EXOSC10: variants seen among roughly 807,000 people sequenced by gnomAD.
EXOSC10 encodes exosome complex component 10.
EXOSC10 carries 94 observed loss-of-function variants against 126.6 expected under a neutral mutation model. The ratio of observed to expected loss-of-function variants is 0.74; its 90% CI spans 0.63 to 0.88. The LOEUF is 0.88. Ranked by LOEUF, EXOSC10 falls within the 40% of genes least tolerant of loss-of-function variation. The pLI, the probability that EXOSC10 is intolerant of heterozygous loss-of-function variation, is 0.00. For synonymous variants in EXOSC10, 395 were observed against 400.8 expected (o/e 0.99, Z 0.17); for missense variants, 1,041 against 1,100.5 (o/e 0.95, Z 0.77).
In EXOSC10 at chr1:11,084,076, C is replaced by T. The variant is rs565182347; in HGVS notation, c.1090-1198G>A. 1.1e-4 allele frequency among the ~76,000 whole-genome samples: 17 copies of T among 152,164 alleles called. 1 individual carries two copies. The South Asian group carries it at 3.3e-3, about 30-fold the overall frequency. ...AAGTCTTTACTATTGTGAATAGTGC[C>T]GCAATAAACATATGTGTGCATGTGT... is the stretch of plus-strand genomic sequence containing the variant. On this transcript the variant is annotated intron_variant, in intron 9 of 24. Coordinates refer to ENST00000376936, the MANE Select transcript of EXOSC10 (RefSeq NM_001001998.3).
intron 9 of EXOSC10, among the ~76,000 whole-genome samples, chr1:11,085,660 G>C (rs1488317355): frequency 6.6e-6 from 1 of 152,076 alleles, no homozygotes; most frequent in Non-Finnish European, 1.5e-5. Flanking sequence ...ACACTATGTT[G>C]AATAGGAGTG....
At chr1:11,085,435 G>A (rs1166406228) in intron 9 of EXOSC10, among the ~76,000 whole-genome samples, 1 of 152,042 alleles carries the variant, frequency 6.6e-6, no homozygotes, top group Non-Finnish European at 1.5e-5. Context: ...TGTTATTGGT[G>A]TATAAGAATG....
At chr1:11,094,497 T>C (rs1056270797) in intron 3 of EXOSC10, among the ~76,000 whole-genome samples, 3 of 151,556 alleles carry the variant, frequency 2.0e-5, no homozygotes, top group African/African-American at 7.3e-5. Context: ...TGTTTTACCA[T>C]GTCCGCCAGG....
At chr1:11,088,725 G>T (rs1398670822) in intron 6 of EXOSC10, among the ~76,000 whole-genome samples, 1 of 152,224 alleles carries the variant, frequency 6.6e-6, no homozygotes, top group Non-Finnish European at 1.5e-5. Flanking sequence ...TTAGCTTGTG[G>T]CCTCACATTG....
intron 14 of EXOSC10, among the ~76,000 whole-genome samples, chr1:11,079,417 G>A (rs1186181644): frequency 3.6e-5 from 5 of 140,374 alleles, no homozygotes; most frequent in African/African-American, 8.0e-5. Flanking sequence ...TTTTTGAGAC[G>A]GAGTCTCGCT....
Position 11,088,158 on chromosome 1 carries a change from G to C in EXOSC10, c.799C>G (p.Pro267Ala). The C allele has an allele frequency of 1.2e-6, 2 of 1,613,508 alleles. No individual in the cohort carries two copies. Among genetic ancestry groups the C allele is most frequent in the Non-Finnish European group, 1.7e-6 (2 of 1,179,878 alleles). Reference sequence around the variant, plus strand: ...GGCTTTTGAAGCACTGCATCTGCTGGGGTAAAGTGATTTAGTTCATATTGA... The same window carrying C: ...GGCTTTTGAAGCACTGCATCTGCTGCGGTAAAGTGATTTAGTTCATATTGA... ...PYQYELNHFTPADAVLQKPQP... is the reference protein window; with the variant it reads ...PYQYELNHFTAADAVLQKPQP... Residue 267 changes from proline (P) to alanine (A), a missense_variant, in exon 7 of 25, where the codon CCA (proline) becomes GCA (alanine). By Grantham distance (27) the Pro-to-Ala change is conservative. This residue lies in a region of EXOSC10 where 645 missense variants were observed against 656.3 expected (regional missense o/e 0.98). Transcript: ENST00000376936.
Position 11,079,486 on chromosome 1 carries a change from C to T in EXOSC10, c.1749+225G>A, listed in dbSNP as rs575820047. Among the ~76,000 whole-genome samples, 8 of 150,258 alleles carry T rather than the reference C, an allele frequency of 5.3e-5. No homozygotes were observed. In the South Asian group the frequency reaches 1.7e-3, roughly 32 times the overall value. ...TCGGCTCACTGCAACCTCCGCCTCC[C>T]GGATTCAAGCAATTCTCCTGCCTCA... On this transcript the variant is annotated intron_variant, in intron 14 of 24. Transcript: ENST00000376936.
At chr1:11,076,784 A>G (rs889152135) in intron 17 of EXOSC10, 58 bp downstream of exon 17, 5 of 1,299,668 alleles carry the variant, frequency 3.8e-6, no homozygotes, top group Non-Finnish European at 5.5e-6. Context: ...CCTGCTGAAT[A>G]AATCCAGTAA....
intron 13 of EXOSC10, among the ~76,000 whole-genome samples, chr1:11,080,287 A>C (rs1466982937): frequency 3.3e-5 from 5 of 152,194 alleles, no homozygotes; most frequent in African/African-American, 1.2e-4. Flanking sequence ...CTAAGGCATA[A>C]TCATTGAAAT....
intron 21 of EXOSC10, among the ~76,000 whole-genome samples, chr1:11,070,265 TAAAAAA>T (rs35601923): frequency 2.0e-5 from 2 of 100,594 alleles, no homozygotes; most frequent in African/African-American, 8.7e-5. Context: ...AAAAGGAAAT[TAAAAAA>T]AAAAAAAAAA....
chr1:11,090,182 G>A (rs1640723721), intron 6 of EXOSC10, among the ~76,000 whole-genome samples: 2 of 152,170 alleles, frequency 1.3e-5, no homozygotes, highest in South Asian at 2.1e-4. Flanking sequence ...ATTTTCAGTA[G>A]AGATGGGGTT....
chr1:11,089,996 CT>C (rs70977545), intron 6 of EXOSC10, among the ~76,000 whole-genome samples: 68,392 of 106,374 alleles, frequency 0.64, 19,909 homozygotes, highest in Admixed American at 0.7. Context: ...GCTTTTACAT[CT>C]TTTTTTTTTT....
At chr1:11,078,553 G>A (rs866324590) in intron 14 of EXOSC10, among the ~76,000 whole-genome samples, 10 of 152,054 alleles carry the variant, frequency 6.6e-5, no homozygotes, top group Non-Finnish European at 1.5e-4. Context: ...CACCGCGCCC[G>A]GCTGACCCTG....
At position 11,082,873 on chromosome 1, in the gene EXOSC10, A is replaced by G. The variant is rs777107172; in HGVS notation, c.1095T>C (p.Phe365=). Residue 365 remains phenylalanine (F), a synonymous_variant, in exon 10 of 25, where the codon TTT becomes TTC. Transcript: ENST00000376936. The part of the protein sequence containing the change: ...SLTDPAIVKV[F]HGADSDIEWL... ...ATTCTATGTCTGAATCAGCACCATG[A>G]AAGACCTGAAAACAGAACCAAAGTC... is the stretch of plus-strand genomic sequence containing the variant. 3.1e-6 allele frequency: 5 copies of G among 1,613,930 alleles called. No homozygotes were observed. Among genetic ancestry groups the G allele is most frequent in the South Asian group, 1.1e-5 (1 of 91,078 alleles).
chr1:11,089,308 A>G (rs1167683447), intron 6 of EXOSC10, among the ~76,000 whole-genome samples: 2 of 151,358 alleles, frequency 1.3e-5, no homozygotes, highest in East Asian at 3.9e-4. Flanking sequence ...TGGAGGAAAG[A>G]CAAATTTAAG....
chr1:11,074,037 G>A (rs778806526), intron 18 of EXOSC10, 29 bp from the exon 19 acceptor site: 164 of 1,597,792 alleles, frequency 1.0e-4, no homozygotes, highest in Non-Finnish European at 1.3e-4. Context: ...TGTGTGAAAC[G>A]CTGCCGGGAA....
chr1:11,066,625 A>G lies in EXOSC10; in HGVS notation c.*93T>C, dbSNP rs965759115. The G allele has an allele frequency of 4.9e-5, 70 of 1,443,148 alleles. No individual in the cohort carries two copies. The highest frequency in any genetic ancestry group is 2.7e-4 in the Admixed American group (16 of 58,716). 89.4% of individuals were successfully genotyped at this position (1,443,148 alleles called of 1,614,324 possible). ...TAAAAGTCAGGAATCAGCTTTCTTC[A>G]GGAAGAATTTTAATGGTTTAAAAAT... On this transcript the variant is annotated 3_prime_UTR_variant, in exon 25 of 25. Coordinates refer to ENST00000376936, the MANE Select transcript of EXOSC10 (RefSeq NM_001001998.3).
chr1:11,070,191 T>G (rs534539865), intron 21 of EXOSC10, among the ~76,000 whole-genome samples: 1 of 149,292 alleles, frequency 6.7e-6, no homozygotes, highest in African/African-American at 2.5e-5. Flanking sequence ...GAGCTATAAT[T>G]GCACCACTGT....
At chr1:11,070,521 C>CA (rs70977541) in intron 21 of EXOSC10, 5,694 of 112,546 alleles carry the variant, frequency 0.051, 560 homozygotes, top group African/African-American at 0.21. Flanking sequence ...GACACTACTT[C>CA]AAAAAAAAAA....
Sources: allele counts gnomAD v4.1 joint callset (sites outside exome capture counted in the v4.1 genomes callset), GRCh38; gene constraint gnomAD v4.1.1; regional missense constraint gnomAD v4.1.1; transcripts MANE v1.5; gene names NCBI Gene and HGNC (gene_info 2026-07-23, HGNC 2026-07-21).